Variants in MEF2C observed in about 807,000 individuals in gnomAD.
MEF2C encodes the protein myocyte enhancer factor 2C, also known as myocyte-specific enhancer factor 2C.
MEF2C carries 6 observed loss-of-function variants against 50.5 expected under a neutral mutation model. The observed-to-expected ratio is 0.12, with a 90% CI of 0.07 to 0.23. MEF2C has a LOEUF of 0.23. Among genes scored for constraint, MEF2C ranks in the 10% least tolerant of loss-of-function variants. MEF2C has a pLI of 1.00. For missense variants in MEF2C, 276 were observed against 605.0 expected, an observed-to-expected ratio of 0.46 and a Z score of 5.70; for synonymous variants, 183 against 228.0, an observed-to-expected ratio of 0.80 and a Z score of 1.78.
At position 88,748,916 on chromosome 5, in the gene MEF2C, C is replaced by T. The variant is rs954702392; in HGVS notation, c.637+154G>A. 2.5e-5 allele frequency: 25 copies of T among 985,320 alleles called. No individual in the cohort carries two copies. The African/African-American group carries it at 4.0e-4, about 16-fold the overall frequency. The allele number at this position is 985,320 out of a possible 1,614,324, so 61.0% of individuals were successfully genotyped here. A position where few individuals can be genotyped will look rare whatever the true frequency, so the allele number is the denominator to read the frequency against. ...CTAAGTTACTATTTAACCACTCCTG[C>T]TTCAGAAAAGTGCTTTAAAAATTCT... On this transcript the variant is annotated intron_variant, in intron 6 of 10. Coordinates refer to ENST00000504921, the MANE Select transcript of MEF2C (RefSeq NM_002397.5).
At chr5:88,792,677 T>C (rs1439541993) in intron 3 of MEF2C, among the ~76,000 whole-genome samples, 4 of 152,204 alleles carry the variant, frequency 2.6e-5, no homozygotes, top group East Asian at 3.8e-4. Context: ...TACTGAATGC[T>C]TGAAACATGA....
chr5:88,894,729 T>TA (rs1834937801), intron 1 of MEF2C, among the ~76,000 whole-genome samples: 1 of 152,244 alleles, frequency 6.6e-6, no homozygotes, highest in Non-Finnish European at 1.5e-5. Flanking sequence ...TATGATTTTA[T>TA]AACCTTTAAG....
intron 1 of MEF2C, among the ~76,000 whole-genome samples, chr5:88,843,045 C>T (rs1489585140): frequency 2.0e-5 from 3 of 151,974 alleles, no homozygotes; most frequent in African/African-American, 4.8e-5. Context: ...AGACAGAGAT[C>T]ATCAGTGGCT....
intron 2 of MEF2C, among the ~76,000 whole-genome samples, chr5:88,811,547 G>T (rs992689101): frequency 6.6e-6 from 1 of 152,080 alleles, no homozygotes; most frequent in Non-Finnish European, 1.5e-5. Flanking sequence ...AGGGCTTTGA[G>T]TTAAGAGCAA....
intron 3 of MEF2C, among the ~76,000 whole-genome samples, chr5:88,803,576 G>A (rs191364105): frequency 2.0e-5 from 3 of 152,260 alleles, no homozygotes; most frequent in Non-Finnish European, 4.4e-5. Context: ...GAGAAAGCAG[G>A]CACAATCTAG....
chr5:88,812,441 A>AT (rs1321167375), intron 2 of MEF2C, among the ~76,000 whole-genome samples: 9 of 151,978 alleles, frequency 5.9e-5, no homozygotes, highest in African/African-American at 1.7e-4. Context: ...GTTTTATTTT[A>AT]TTTTTTTGTC....
chr5:88,847,126 T>C (rs1382966059), intron 1 of MEF2C, among the ~76,000 whole-genome samples: 1 of 152,242 alleles, frequency 6.6e-6, no homozygotes, highest in Non-Finnish European at 1.5e-5. Context: ...TTTTCATTTA[T>C]CAACATTATT....
intron 3 of MEF2C, among the ~76,000 whole-genome samples, chr5:88,780,011 G>A (rs1046230927): frequency 6.6e-6 from 1 of 151,956 alleles, no homozygotes; most frequent in Admixed American, 6.6e-5. Flanking sequence ...GCTGGGCATG[G>A]TGGCAGGAGC....
intron 3 of MEF2C, among the ~76,000 whole-genome samples, chr5:88,778,027 C>A (rs1228693641): frequency 6.6e-6 from 1 of 150,520 alleles, no homozygotes; most frequent in Non-Finnish European, 1.5e-5. Flanking sequence ...ACCTCAGCCT[C>A]CTGAGTAGCT....
chr5:88,847,431 T>G (rs933861361), intron 1 of MEF2C, among the ~76,000 whole-genome samples: 2 of 152,224 alleles, frequency 1.3e-5, no homozygotes, highest in African/African-American at 4.8e-5. Context: ...TCTGGAAATT[T>G]AGCAATTTCA....
intron 1 of MEF2C, among the ~76,000 whole-genome samples, chr5:88,828,669 A>C (rs1811879405): frequency 6.6e-6 from 1 of 152,052 alleles, no homozygotes; most frequent in Non-Finnish European, 1.5e-5. Context: ...AACTTTGCTC[A>C]ATATGTTACA....
At chr5:88,838,747 G>A (rs1581417346) in intron 1 of MEF2C, 2 of 982,442 alleles carry the variant, frequency 2.0e-6, no homozygotes, top group Non-Finnish European at 2.4e-6. Context: ...TTCTCGTTAT[G>A]CTCTTTCTCT....
chr5:88,811,694 C>CA (rs1802886662), intron 2 of MEF2C, among the ~76,000 whole-genome samples: 1 of 151,892 alleles, frequency 6.6e-6, no homozygotes, highest in South Asian at 2.1e-4. Flanking sequence ...AGACGAGACA[C>CA]AAAAGACTGT....
intron 3 of MEF2C, chr5:88,768,728 G>A: frequency 1.2e-5 from 12 of 983,516 alleles, no homozygotes; most frequent in Non-Finnish European, 1.4e-5. Flanking sequence ...TCTCAGTGCA[G>A]TATTTTGCAA....
At chr5:88,831,209 G>GCATGTGTGCA (rs1328729650) in intron 1 of MEF2C, among the ~76,000 whole-genome samples, 1 of 152,010 alleles carries the variant, frequency 6.6e-6, no homozygotes, top group Non-Finnish European at 1.5e-5. Context: ...ATACATTTGT[G>GCATGTGTGCA]CATGTGTGCA....
intron 6 of MEF2C, chr5:88,733,765 T>G: frequency 1.0e-6 from 1 of 985,338 alleles, no homozygotes; most frequent in South Asian, 4.7e-5. Flanking sequence ...AATAAAATTA[T>G]CCCAGTTCCT....
At chr5:88,741,836 T>C in intron 6 of MEF2C, 1 of 985,120 alleles carries the variant, frequency 1.0e-6, no homozygotes, top group Non-Finnish European at 1.2e-6. Context: ...TTAAAACAAT[T>C]GAAATGGAGC....
At chr5:88,756,984 G>A (rs142994527) in intron 4 of MEF2C, among the ~76,000 whole-genome samples, 278 of 152,284 alleles carry the variant, frequency 1.8e-3, no homozygotes, top group African/African-American at 6.4e-3. Context: ...TGAAAATGTG[G>A]GGGCCCTTTT....
At chr5:88,774,364 C>G (rs1452480519) in intron 3 of MEF2C, among the ~76,000 whole-genome samples, 4 of 151,308 alleles carry the variant, frequency 2.6e-5, no homozygotes, top group Non-Finnish European at 5.9e-5. Context: ...GCTCTGTCGC[C>G]CAGGCTGGAG....
Sources: gnomAD v4.1 joint callset for allele counts (sites outside exome capture counted in the v4.1 genomes callset) on GRCh38, gnomAD v4.1.1 for gene constraint, MANE v1.5 for transcripts, NCBI Gene and HGNC (gene_info 2026-07-23, HGNC 2026-07-21) for gene names.